Variants in CUL2 observed in about 807,000 individuals in gnomAD.
CUL2 encodes cullin 2.
Under a neutral mutation model 110.2 loss-of-function variants are expected in CUL2, and 22 were observed. That is an observed-to-expected ratio of 0.20 (90% CI 0.14 to 0.28). The LOEUF (loss-of-function observed/expected upper bound fraction) is 0.28, where lower values mean the gene tolerates loss of function less well. Among genes scored for constraint, CUL2 ranks in the 10% least tolerant of loss-of-function variants. CUL2 has a pLI of 1.00. For missense variants in CUL2, 631 were observed against 905.5 expected (o/e 0.70, Z 3.89); for synonymous variants, 279 against 293.2 (o/e 0.95, Z 0.49).
chr10:35,095,202 A>C (rs1471304868), upstream of CUL2, among the ~76,000 whole-genome samples: 1 of 151,890 alleles, frequency 6.6e-6, no homozygotes, highest in Non-Finnish European at 1.5e-5. Context: ...TGCATGCCTG[A>C]AATCCCAGCT....
chr10:35,010,475 C>CA, intron 20 of CUL2, 33 bp from the exon 21 acceptor site: 1 of 1,573,360 alleles, frequency 6.4e-7, no homozygotes, highest in Non-Finnish European at 8.6e-7. Flanking sequence ...AAACTACTGC[C>CA]AGTTCTTCAG....
chr10:35,085,923 G>A (rs905484226), intron 1 of CUL2, among the ~76,000 whole-genome samples: 5 of 152,106 alleles, frequency 3.3e-5, no homozygotes, highest in Non-Finnish European at 7.4e-5. Context: ...CCTGAGTGAC[G>A]GGATCATTGT....
chr10:35,071,650 C>T (rs1264711403), intron 1 of CUL2, among the ~76,000 whole-genome samples: 4 of 152,142 alleles, frequency 2.6e-5, no homozygotes, highest in Admixed American at 2.6e-4. Context: ...CCTCGTGATC[C>T]GCCCACCTTG....
intron 1 of CUL2, among the ~76,000 whole-genome samples, chr10:35,083,145 A>G (rs2086981440): frequency 7.1e-6 from 1 of 141,658 alleles, no homozygotes; most frequent in Non-Finnish European, 1.5e-5. Context: ...TGAGAGCAAG[A>G]CTCCATCTCA....
intron 1 of CUL2, among the ~76,000 whole-genome samples, chr10:35,117,045 GA>G (rs1459808784): frequency 2.6e-5 from 4 of 151,112 alleles, no homozygotes; most frequent in Non-Finnish European, 4.4e-5. Context: ...CCCTTACAAT[GA>G]AAAAAAAGGT....
intron 1 of CUL2, among the ~76,000 whole-genome samples, chr10:35,086,348 G>C (rs1376924880): frequency 6.6e-6 from 1 of 152,034 alleles, no homozygotes; most frequent in Non-Finnish European, 1.5e-5. Context: ...ACCCAGGCTG[G>C]AGTATAGTGG....
At chr10:35,100,998 T>C (rs1287055548) in exon 2 of CUL2, 1 of 152,346 alleles carries the variant, frequency 6.6e-6, no homozygotes, top group African/African-American at 2.4e-5. Context: ...TTTTCTCCCT[T>C]CTTCCCAGTC....
intron 5 of CUL2, among the ~76,000 whole-genome samples, chr10:35,050,927 T>A (rs1015472214): frequency 6.6e-6 from 1 of 152,224 alleles, no homozygotes; most frequent in African/African-American, 2.4e-5. Flanking sequence ...TATACTTGCA[T>A]AGCAAAGCAC....
intron 8 of CUL2, among the ~76,000 whole-genome samples, chr10:35,039,754 C>A (rs1183436372): frequency 6.6e-6 from 1 of 151,972 alleles, no homozygotes; most frequent in Admixed American, 6.6e-5. Flanking sequence ...CCTTGGGAGG[C>A]CAGGGCAAGA....
intron 1 of CUL2, among the ~76,000 whole-genome samples, chr10:35,122,186 T>C (rs1180296518): frequency 6.6e-6 from 1 of 152,240 alleles, no homozygotes; most frequent in Non-Finnish European, 1.5e-5. Flanking sequence ...ATCCTAAAGT[T>C]TGAATAGAAA....
intron 1 of CUL2, among the ~76,000 whole-genome samples, chr10:35,107,251 G>C (rs1201034531): frequency 1.3e-5 from 2 of 151,868 alleles, no homozygotes; most frequent in East Asian, 3.9e-4. Flanking sequence ...TGGGATTACA[G>C]GCATGAGCCA....
intron 8 of CUL2, 68 bp from the exon 9 acceptor site, chr10:35,039,150 C>A: frequency 9.6e-7 from 1 of 1,044,436 alleles, no homozygotes; most frequent in Admixed American, 3.0e-5. Flanking sequence ...GTAATATCAG[C>A]AAGTAACTCA....
chr10:35,104,025 T>C (rs544995574), intron 1 of CUL2, among the ~76,000 whole-genome samples: 35 of 152,276 alleles, frequency 2.3e-4, no homozygotes, highest in African/African-American at 7.7e-4. Flanking sequence ...TTGTGATAAC[T>C]CATTTCTGTC....
chr10:35,121,816 A>AT (rs2087681475), intron 1 of CUL2, among the ~76,000 whole-genome samples: 1 of 152,046 alleles, frequency 6.6e-6, no homozygotes. Context: ...TCTCAAAAAA[A>AT]AAAAAAAAAA....
chr10:35,024,141 C>G (rs2134682238), intron 17 of CUL2, among the ~76,000 whole-genome samples: 1 of 152,204 alleles, frequency 6.6e-6, no homozygotes, highest in South Asian at 2.1e-4. Flanking sequence ...AGCCAAAAGT[C>G]AAATTAAAAT....
chr10:35,024,509 AAG>A (rs1491237556), intron 17 of CUL2, among the ~76,000 whole-genome samples: 3 of 152,344 alleles, frequency 2.0e-5, no homozygotes, highest in Non-Finnish European at 4.4e-5. Flanking sequence ...TTAGCAAAAA[AAG>A]AGAAAATTCA....
chr10:35,033,267 T>C lies in CUL2; in HGVS notation c.1009A>G (p.Thr337Ala), dbSNP rs2085523676. ...TSNLTQENMP[T>A]LFVESVLEVH... ...TCCAAAACTGACTCCACAAATAGTGTTGGCATCTAAAAATGAAATATAAGT... is the reference window on the plus strand; with the variant it reads ...TCCAAAACTGACTCCACAAATAGTGCTGGCATCTAAAAATGAAATATAAGT... Residue 337 changes from threonine (T) to alanine (A), a missense_variant, in exon 11 of 21, where the codon ACA becomes GCA. Physicochemically the swap from Thr to Ala is moderately conservative, Grantham distance 58. This residue lies in a region of CUL2 where 338 missense variants were observed against 442.5 expected (regional missense o/e 0.76). Transcript: ENST00000374749. 4 of 1,610,148 alleles carry C rather than the reference T, an allele frequency of 2.5e-6. No individual in the cohort carries two copies. The highest frequency in any genetic ancestry group is 1.6e-4 in the Middle Eastern group (1 of 6,076).
At chr10:35,054,592 C>A (rs2086196741) in intron 4 of CUL2, 53 bp from the exon 5 acceptor site, 2 of 965,052 alleles carry the variant, frequency 2.1e-6, no homozygotes, top group African/African-American at 3.3e-5. Context: ...AGTAGGAAAG[C>A]AAATGACTTG....
At chr10:35,058,295 C>A (rs1402165501) in intron 4 of CUL2, among the ~76,000 whole-genome samples, 1 of 152,140 alleles carries the variant, frequency 6.6e-6, no homozygotes, top group African/African-American at 2.4e-5. Context: ...TCTTCCTGGA[C>A]GAATAACTCT....
Sources: gnomAD v4.1 joint callset for allele counts (sites outside exome capture counted in the v4.1 genomes callset) on GRCh38, gnomAD v4.1.1 for gene constraint, gnomAD v4.1.1 regional missense constraint, MANE v1.5 for transcripts, NCBI Gene and HGNC (gene_info 2026-07-23, HGNC 2026-07-21) for gene names.